Variants in KCNF1 observed in about 807,000 individuals in gnomAD.
The protein encoded by KCNF1 is potassium voltage-gated channel modifier subfamily F member 1, also known as voltage-gated potassium channel regulatory subunit KCNF1.
A neutral mutation model predicts 28.6 loss-of-function variants in KCNF1; 9 were observed. The observed-to-expected ratio is 0.31, with a 90% CI of 0.19 to 0.55. The LOEUF (loss-of-function observed/expected upper bound fraction) is 0.55. KCNF1 is among the 20% of genes least tolerant of loss of function. KCNF1 has a pLI of 0.93. For synonymous variants in KCNF1, 328 were observed against 299.6 expected (o/e 1.09, Z -0.98); for missense variants, 461 against 684.2 (o/e 0.67, Z 3.64).
At position 10,913,692 on chromosome 2, in the gene KCNF1, G is replaced by A. The variant is rs562576257; in HGVS notation, c.1266G>A (p.Ala422=). The A allele has an allele frequency of 1.8e-5, 29 of 1,613,936 alleles. No individual in the cohort carries two copies. Among genetic ancestry groups the A allele is most frequent in the South Asian group, 1.5e-4 (14 of 91,072 alleles). ...YYNKQRVLET[A]AKHELELMEL... is the part of the protein sequence containing the mutation. ...ACAAGCAGCGCGTCCTGGAGACCGCGGCCAAGCACGAGCTGGAGCTGATGG... is the reference window on the plus strand; with the variant it reads ...ACAAGCAGCGCGTCCTGGAGACCGCAGCCAAGCACGAGCTGGAGCTGATGG... Residue 422 remains alanine, a synonymous_variant, in exon 1 of 1, where the codon GCG becomes GCA. Coordinates refer to ENST00000295082, the MANE Select transcript of KCNF1 (RefSeq NM_002236.5). This position sits in a 1 kb window ranked among gnomAD's most constrained non-coding sequence, Gnocchi z 5.5.
Position 10,913,569 on chromosome 2 carries a change from G to T in KCNF1, c.1143G>T (p.Thr381=), listed in dbSNP as rs768185167. ...ACGGCGACATCTACCCCAAGACCACGCTGGGCAAGCTCAACGCGGCCATCA... is the reference window on the plus strand; with the variant it reads ...ACGGCGACATCTACCCCAAGACCACTCTGGGCAAGCTCAACGCGGCCATCA... ...VGYGDIYPKT[T]LGKLNAAISF... The change falls in exon 1 of 1, where the codon ACG becomes ACT. Residue 381 remains threonine (T), a synonymous_variant. Coordinates refer to ENST00000295082, the MANE Select transcript of KCNF1 (RefSeq NM_002236.5). This position sits in a 1 kb window ranked among gnomAD's most constrained non-coding sequence, Gnocchi z 5.5. The T allele has an allele frequency of 2.5e-6, 4 of 1,613,592 alleles. No homozygotes were observed. The highest frequency in any genetic ancestry group is 3.4e-6 in the Non-Finnish European group (4 of 1,180,024).
chr2:10,912,523 C>A lies in KCNF1; in HGVS notation c.97C>A (p.Arg33=), dbSNP rs760188585. ...GATAGTCGTCAACGTGGGGGGCGTG[C>A]GGCAGGTGCTGTACGGGGACCTCCT... The part of the protein sequence containing the change: ...IEIVVNVGGV[R]QVLYGDLLSQ... Residue 33 remains arginine (R), a synonymous_variant, in exon 1 of 1, where the codon CGG becomes AGG. Coordinates refer to ENST00000295082, the MANE Select transcript of KCNF1 (RefSeq NM_002236.5). The surrounding 1 kb of genome is among the most constrained non-coding windows in gnomAD (Gnocchi z 7.9). The A allele has an allele frequency of 3.1e-6, 5 of 1,603,844 alleles. No individual in the cohort carries two copies. The South Asian group carries it at 4.5e-5, about 14-fold the overall frequency.
Position 10,913,347 on chromosome 2 carries a change from C to T in KCNF1, c.921C>T (p.Ser307=). Reference sequence around the variant, plus strand: ...GCATCTTCAAGCTGGCCCGCCACTCCTCGGGCCTGCAGACCCTCACCTATG... The same window carrying T: ...GCATCTTCAAGCTGGCCCGCCACTCTTCGGGCCTGCAGACCCTCACCTATG... ...IARIFKLARH[S]SGLQTLTYAL... Residue 307 remains serine, a synonymous_variant, in exon 1 of 1, where the codon TCC becomes TCT. Transcript: ENST00000295082. The surrounding 1 kb of genome is among the most constrained non-coding windows in gnomAD (Gnocchi z 5.5). 6.2e-7 allele frequency: 1 copy of T among 1,613,862 alleles called. No homozygotes were observed. The highest frequency in any genetic ancestry group is 8.5e-7 in the Non-Finnish European group (1 of 1,179,968).
At position 10,914,162 on chromosome 2, in the gene KCNF1, T is replaced by C. The variant is rs1639689548; in HGVS notation, c.*251T>C. The C allele has an allele frequency of 4.6e-6, 2 of 438,474 alleles. No homozygotes were observed. The highest frequency in any genetic ancestry group is 2.0e-5 in the African/African-American group (1 of 49,380). 27.2% of individuals were successfully genotyped at this position (438,474 alleles called of 1,614,324 possible). A position where few individuals can be genotyped will look rare whatever the true frequency, so the allele number is the denominator to read the frequency against. On this transcript the variant is annotated 3_prime_UTR_variant, in exon 1 of 1. Transcript: ENST00000295082. ...TGTGGGACGAGTGGAGGCCGCGGCC[T>C]GGCTGGCACGAGAGCCCACGCCCGC...
At position 10,913,586 on chromosome 2, in the gene KCNF1, C is replaced by T. The variant is rs761257487; in HGVS notation, c.1160C>T (p.Ala387Val). 6.2e-7 allele frequency: 1 copy of T among 1,613,500 alleles called. No homozygotes were observed. ...AAGACCACGCTGGGCAAGCTCAACGCGGCCATCAGCTTCTTGTGTGGTGTC... is the reference window on the plus strand; with the variant it reads ...AAGACCACGCTGGGCAAGCTCAACGTGGCCATCAGCTTCTTGTGTGGTGTC... ...YPKTTLGKLN[A>V]AISFLCGVIA... Residue 387 changes from alanine (A) to valine (V), a missense_variant, in exon 1 of 1, where the codon GCG (alanine) becomes GTG (valine). Around this residue, in one of 4 missense-constraint regions of KCNF1, gnomAD observed 115 missense variants for 261.6 expected, o/e 0.44. Coordinates refer to ENST00000295082, the MANE Select transcript of KCNF1 (RefSeq NM_002236.5). The surrounding 1 kb of genome is among the most constrained non-coding windows in gnomAD (Gnocchi z 5.5).
Position 10,912,976 on chromosome 2 carries a change from G to C in KCNF1, c.550G>C (p.Val184Leu). The C allele has an allele frequency of 6.2e-7, 1 of 1,603,252 alleles. No individual in the cohort carries two copies. Among genetic ancestry groups the C allele is most frequent in the South Asian group, 1.1e-5 (1 of 91,070 alleles). Residue 184 changes from valine (V) to leucine (L), a missense_variant, in exon 1 of 1, where the codon GTG (valine) becomes CTG (leucine). Around this residue, in one of 4 missense-constraint regions of KCNF1, gnomAD observed 193 missense variants for 280.6 expected, o/e 0.69. Transcript: ENST00000295082. This position sits in a 1 kb window ranked among gnomAD's most constrained non-coding sequence, Gnocchi z 7.9. ...KPESSCPARVVAVLSFLLILV... is the reference protein window; with the variant it reads ...KPESSCPARVLAVLSFLLILV... ...CGAGTCGTCGTGCCCGGCGCGGGTG[G>C]TGGCCGTGCTCTCCTTCCTGCTCAT...
rs144040411 is a variant in KCNF1, at chr2:10,913,689, C to T, written c.1263C>T (p.Thr421=). ...ACAACAAGCAGCGCGTCCTGGAGAC[C>T]GCGGCCAAGCACGAGCTGGAGCTGA... ...RYYNKQRVLE[T]AAKHELELME... Residue 421 remains threonine, a synonymous_variant, in exon 1 of 1, where the codon ACC becomes ACT. Transcript: ENST00000295082. This position sits in a 1 kb window ranked among gnomAD's most constrained non-coding sequence, Gnocchi z 5.5. 8.1e-6 allele frequency: 13 copies of T among 1,613,822 alleles called. No individual in the cohort carries two copies. In the East Asian group the frequency reaches 8.9e-5, roughly 11 times the overall value.
chr2:10,913,320 G>A lies in KCNF1; in HGVS notation c.894G>A (p.Ala298=), dbSNP rs1444968923. ...AGGCGCTGCGGATCATGCGCATCGC[G>A]CGCATCTTCAAGCTGGCCCGCCACT... is the stretch of plus-strand genomic sequence containing the variant. ...AVQALRIMRI[A]RIFKLARHSS... The change falls in exon 1 of 1, where the codon GCG becomes GCA. Residue 298 remains alanine (A), a synonymous_variant. Coordinates refer to ENST00000295082, the MANE Select transcript of KCNF1 (RefSeq NM_002236.5). This position sits in a 1 kb window ranked among gnomAD's most constrained non-coding sequence, Gnocchi z 5.5. The A allele has an allele frequency of 6.2e-7, 1 of 1,613,004 alleles. No individual in the cohort carries two copies. The highest frequency in any genetic ancestry group is 1.7e-5 in the Admixed American group (1 of 59,920).
chr2:10,913,428 T>C lies in KCNF1; in HGVS notation c.1002T>C (p.Gly334=), dbSNP rs1661574730. 6 of 1,614,120 alleles carry C rather than the reference T, an allele frequency of 3.7e-6. No individual in the cohort carries two copies. The South Asian group carries it at 4.4e-5, about 12-fold the overall frequency. Residue 334 remains glycine, a synonymous_variant, in exon 1 of 1, where the codon GGT becomes GGC. Coordinates refer to ENST00000295082, the MANE Select transcript of KCNF1 (RefSeq NM_002236.5). The surrounding 1 kb of genome is among the most constrained non-coding windows in gnomAD (Gnocchi z 5.5). ...LGLLLMYLAV[G]IFVFSALGYT... ...TGCTGCTCATGTACCTGGCAGTGGG[T>C]ATCTTCGTCTTCTCTGCCCTGGGCT...
At position 10,913,008 on chromosome 2, in the gene KCNF1, C is replaced by G; in HGVS notation, c.582C>G (p.Val194=). 6.2e-7 allele frequency: 1 copy of G among 1,603,002 alleles called. No individual in the cohort carries two copies. Among genetic ancestry groups the G allele is most frequent in the Non-Finnish European group, 8.5e-7 (1 of 1,179,890 alleles). Residue 194 remains valine, a synonymous_variant, in exon 1 of 1, where the codon GTC becomes GTG. Transcript: ENST00000295082. The surrounding 1 kb of genome is among the most constrained non-coding windows in gnomAD (Gnocchi z 5.5). ...TGCTCTCCTTCCTGCTCATCCTCGT[C>G]TCGTCCGTGGTCATGTGCATGGGCA... ...VAVLSFLLIL[V]SSVVMCMGTI...
chr2:10,912,140 C>A lies in KCNF1; in HGVS notation c.-287C>A, dbSNP rs1179671352. The stretch of plus-strand genomic sequence containing the variant: ...CTGAAGCGGCGGAGCGCGCCGCCAG[C>A]CAGCCGGGGTGAGTGCCCCGGGCGA... On this transcript the variant is annotated 5_prime_UTR_variant, in exon 1 of 1. Coordinates refer to ENST00000295082, the MANE Select transcript of KCNF1 (RefSeq NM_002236.5). The surrounding 1 kb of genome is among the most constrained non-coding windows in gnomAD (Gnocchi z 7.9). The A allele has an allele frequency of 6.6e-6, 1 of 150,616 alleles. No homozygotes were observed. The highest frequency in any genetic ancestry group is 1.5e-5 in the Non-Finnish European group (1 of 67,630). The allele number at this position is 150,616 out of a possible 1,614,324, so 9.3% of individuals were successfully genotyped here. A position where few individuals can be genotyped will look rare whatever the true frequency, so the allele number is the denominator to read the frequency against.
Position 10,913,830 on chromosome 2 carries a change from G to A in KCNF1, c.1404G>A (p.Leu468=). The change falls in exon 1 of 1, where the codon CTG becomes CTA. Residue 468 remains leucine (L), a synonymous_variant. Transcript: ENST00000295082. The surrounding 1 kb of genome is among the most constrained non-coding windows in gnomAD (Gnocchi z 5.5). ...AGGCGCCGAGCTGCAGCAGCCGGCT[G>A]AAGCTCTCCCACAGCGACACCTTCA... is the stretch of plus-strand genomic sequence containing the variant. ...GKEAPSCSSR[L]KLSHSDTFIP... The A allele has an allele frequency of 6.4e-7, 1 of 1,561,270 alleles. No homozygotes were observed. The highest frequency in any genetic ancestry group is 2.3e-5 in the East Asian group (1 of 44,402).
Position 10,914,073 on chromosome 2 carries a change from C to A in KCNF1, c.*162C>A. On this transcript the variant is annotated 3_prime_UTR_variant, in exon 1 of 1. Coordinates refer to ENST00000295082, the MANE Select transcript of KCNF1 (RefSeq NM_002236.5). ...GCACCTCTGCCAAGGCTGGGTAAGACTCCTCTATGTTGCCTGCTGTCCAGG... is the reference window on the plus strand; with the variant it reads ...GCACCTCTGCCAAGGCTGGGTAAGAATCCTCTATGTTGCCTGCTGTCCAGG... The A allele has an allele frequency of 2.5e-6, 2 of 784,350 alleles. No homozygotes were observed. The highest frequency in any genetic ancestry group is 3.8e-6 in the Non-Finnish European group (2 of 519,884). 48.6% of individuals were successfully genotyped at this position (784,350 alleles called of 1,614,324 possible).
Position 10,913,968 on chromosome 2 carries a change from C to A in KCNF1, c.*57C>A. The A allele has an allele frequency of 5.3e-6, 8 of 1,504,938 alleles. No homozygotes were observed. Among genetic ancestry groups the A allele is most frequent in the Non-Finnish European group, 7.1e-6 (8 of 1,125,728 alleles). 93.2% of individuals were successfully genotyped at this position (1,504,938 alleles called of 1,614,324 possible). ...GCGGTGGACAGATGGGTAGATGTGG[C>A]AGGCATGTCATCGACAGCACAGAAG... On this transcript the variant is annotated 3_prime_UTR_variant, in exon 1 of 1. Coordinates refer to ENST00000295082, the MANE Select transcript of KCNF1 (RefSeq NM_002236.5). The surrounding 1 kb of genome is among the most constrained non-coding windows in gnomAD (Gnocchi z 5.5).
Position 10,913,199 on chromosome 2 carries a change from T to C in KCNF1, c.773T>C (p.Val258Ala). ...TTCGCGCTGTCCTTCATGAACATTG[T>C]GGACGTGCTGGCCATCCTCCCCTTC... ...LHFALSFMNI[V>A]DVLAILPFYV... The change falls in exon 1 of 1, where the codon GTG (valine) becomes GCG (alanine). Residue 258 changes from valine to alanine, a missense_variant. Val to Ala is a moderately conservative substitution (Grantham distance 64). Around this residue, in one of 4 missense-constraint regions of KCNF1, gnomAD observed 115 missense variants for 261.6 expected, o/e 0.44. Transcript: ENST00000295082. This position sits in a 1 kb window ranked among gnomAD's most constrained non-coding sequence, Gnocchi z 5.5. The C allele has an allele frequency of 6.2e-7, 1 of 1,613,460 alleles. No homozygotes were observed. Among genetic ancestry groups the C allele is most frequent in the Non-Finnish European group, 8.5e-7 (1 of 1,180,026 alleles).
chr2:10,912,691 G>C lies in KCNF1; in HGVS notation c.265G>C (p.Val89Leu). 1 of 1,614,158 alleles carries C rather than the reference G, an allele frequency of 6.2e-7. No individual in the cohort carries two copies. Among genetic ancestry groups the C allele is most frequent in the Non-Finnish European group, 8.5e-7 (1 of 1,180,034 alleles). ...CAGGGACCCGGACGCCTTCAAGTGT[G>C]TCATCGAGGTGTACTATTTCGGGGA... ...FDRDPDAFKC[V>L]IEVYYFGEVH... Residue 89 changes from valine to leucine, a missense_variant, in exon 1 of 1, where the codon GTC (valine) becomes CTC (leucine). Physicochemically the swap from Val to Leu is conservative, Grantham distance 32. This residue lies in a region of KCNF1 where 193 missense variants were observed against 280.6 expected (regional missense o/e 0.69). Coordinates refer to ENST00000295082, the MANE Select transcript of KCNF1 (RefSeq NM_002236.5). This position sits in a 1 kb window ranked among gnomAD's most constrained non-coding sequence, Gnocchi z 7.9.
Position 10,913,566 on chromosome 2 carries a change from C to T in KCNF1, c.1140C>T (p.Thr380=), listed in dbSNP as rs1233543450. Residue 380 remains threonine, a synonymous_variant, in exon 1 of 1, where the codon ACC becomes ACT. Transcript: ENST00000295082. This position sits in a 1 kb window ranked among gnomAD's most constrained non-coding sequence, Gnocchi z 5.5. ...GCTACGGCGACATCTACCCCAAGAC[C>T]ACGCTGGGCAAGCTCAACGCGGCCA... ...TVGYGDIYPK[T]TLGKLNAAIS... The T allele has an allele frequency of 6.2e-7, 1 of 1,613,634 alleles. No individual in the cohort carries two copies. Among genetic ancestry groups the T allele is most frequent in the Admixed American group, 1.7e-5 (1 of 60,014 alleles).
Position 10,912,605 on chromosome 2 carries a change from A to G in KCNF1, c.179A>G (p.Tyr60Cys). The stretch of plus-strand genomic sequence containing the variant: ...CTCATCAACTGCTTGGCTGGGGGCT[A>G]CGACACCATCTTCTCCCTGTGCGAC... ...AELINCLAGG[Y>C]DTIFSLCDDY... Residue 60 changes from tyrosine to cysteine, a missense_variant, in exon 1 of 1, where the codon TAC (tyrosine) becomes TGC (cysteine). Around this residue, in one of 4 missense-constraint regions of KCNF1, gnomAD observed 193 missense variants for 280.6 expected, o/e 0.69. Transcript: ENST00000295082. The surrounding 1 kb of genome is among the most constrained non-coding windows in gnomAD (Gnocchi z 7.9). 2 of 1,613,126 alleles carry G rather than the reference A, an allele frequency of 1.2e-6. No homozygotes were observed. The highest frequency in any genetic ancestry group is 1.1e-5 in the South Asian group (1 of 90,956).
In KCNF1 at chr2:10,912,097, C is replaced by G. The variant is rs910770256; in HGVS notation, c.-330C>G. ...GCCAGCCGCCCACGAGGAGACCCCGCTCCCGCAGGAGGCCGAGCTGAAGCG... is the reference window on the plus strand; with the variant it reads ...GCCAGCCGCCCACGAGGAGACCCCGGTCCCGCAGGAGGCCGAGCTGAAGCG... On this transcript the variant is annotated 5_prime_UTR_variant, in exon 1 of 1. Transcript: ENST00000295082. The surrounding 1 kb of genome is among the most constrained non-coding windows in gnomAD (Gnocchi z 7.9). The G allele has an allele frequency of 5.3e-5, 8 of 151,540 alleles. No individual in the cohort carries two copies. Among genetic ancestry groups the G allele is most frequent in the African/African-American group, 1.9e-4 (8 of 41,350 alleles). 9.4% of individuals were successfully genotyped at this position (151,540 alleles called of 1,614,324 possible). A position where few individuals can be genotyped will look rare whatever the true frequency, so the allele number is the denominator to read the frequency against.
Sources: gnomAD v4.1 joint callset for allele counts on GRCh38, gnomAD v4.1.1 for gene constraint, gnomAD v4.1.1 regional missense constraint, Gnocchi (gnomAD v3.1) non-coding constraint, MANE v1.5 for transcripts, NCBI Gene and HGNC (gene_info 2026-07-23, HGNC 2026-07-21) for gene names.